Variants in RERE observed in about 807,000 individuals in gnomAD.
RERE encodes arginine-glutamic acid dipeptide repeats, also known as arginine-glutamic acid dipeptide repeats protein.
In RERE, 40 loss-of-function variants were observed where a neutral mutation model predicts 146.1. The ratio of observed to expected loss-of-function variants is 0.27; its 90% CI spans 0.21 to 0.36. The LOEUF is 0.36. RERE is among the 10% of genes least tolerant of loss of function. RERE has a pLI of 1.00. For missense variants in RERE, 1,933 were observed against 2,138.7 expected (o/e 0.90, Z 1.90); for synonymous variants, 1,003 against 866.0 (o/e 1.16, Z -2.78).
intron 8 of RERE, among the ~76,000 whole-genome samples, chr1:8,501,517 GC>G (rs1203661375): frequency 9.7e-6 from 1 of 103,240 alleles, no homozygotes; most frequent in Non-Finnish European, 1.9e-5. Context: ...GGGGGGATCA[GC>G]CCCCCGTCCG....
chr1:8,672,429 C>G (rs1371050981), intron 1 of RERE, among the ~76,000 whole-genome samples: 1 of 152,176 alleles, frequency 6.6e-6, no homozygotes. Context: ...CACACCATGG[C>G]CTCCCAAAAT....
intron 1 of RERE, among the ~76,000 whole-genome samples, chr1:8,813,707 T>C (rs1181840987): frequency 1.3e-5 from 2 of 151,262 alleles, no homozygotes; most frequent in Non-Finnish European, 2.9e-5. Flanking sequence ...CCTCTGCCTC[T>C]GAGTTCAAGC....
chr1:8,775,385 A>G (rs1641045918), intron 1 of RERE, among the ~76,000 whole-genome samples: 1 of 152,232 alleles, frequency 6.6e-6, no homozygotes, highest in African/African-American at 2.4e-5. Context: ...CAGCCTGGGC[A>G]AGAAAGTAAG....
intron 2 of RERE, among the ~76,000 whole-genome samples, chr1:8,632,125 T>C (rs1647042834): frequency 6.6e-6 from 1 of 152,198 alleles, no homozygotes. Context: ...AGAACTGATA[T>C]ATGGCTGAAA....
chr1:8,538,793 TCA>T (rs1645759999), intron 7 of RERE, among the ~76,000 whole-genome samples: 1 of 152,092 alleles, frequency 6.6e-6, no homozygotes, highest in Non-Finnish European at 1.5e-5. Flanking sequence ...ACTAGAAAGG[TCA>T]CTAAGGGAAG....
At position 8,545,982 on chromosome 1, in the gene RERE, C is replaced by CTTTTTTTTTTTTTTTTTTTTTTT. The variant is rs3050828; in HGVS notation, c.726-4687_726-4665dup. 1.6e-4 allele frequency among the ~76,000 whole-genome samples: 11 copies of CTTTTTTTTTTTTTTTTTTTTTTT among 69,478 alleles called. 1 individual carries two copies. The highest frequency in any genetic ancestry group is 6.6e-4 in the African/African-American group (11 of 16,698). 45.6% of individuals were successfully genotyped at this position (69,478 alleles called of 152,430 possible). A position where few individuals can be genotyped will look rare whatever the true frequency, so the allele number is the denominator to read the frequency against. On this transcript the variant is annotated intron_variant, in intron 6 of 22. Coordinates refer to ENST00000400908, the MANE Select transcript of RERE (RefSeq NM_001042681.2). ...ACAGGTGCAAGCTACCATACCCAGT[C>CTTTTTTTTTTTTTTTTTTTTTTT]TTTTTTTTTTTTTTTTTTTTTTTTT...
chr1:8,460,457 G>A (rs1644512042), intron 11 of RERE, among the ~76,000 whole-genome samples: 1 of 152,130 alleles, frequency 6.6e-6, no homozygotes, highest in Non-Finnish European at 1.5e-5. Flanking sequence ...ATTTATGATA[G>A]ACTGAGCTTT....
intron 2 of RERE, among the ~76,000 whole-genome samples, chr1:8,649,285 T>C (rs540211315): frequency 1.4e-3 from 79 of 57,670 alleles, no homozygotes; most frequent in Admixed American, 3.5e-3. Context: ...ACAAGGTTTT[T>C]GTTTTGGTTT....
At chr1:8,588,272 GA>G (rs1361163383) in intron 4 of RERE, among the ~76,000 whole-genome samples, 1 of 152,176 alleles carries the variant, frequency 6.6e-6, no homozygotes, top group Admixed American at 6.5e-5. Context: ...GTAAATCATT[GA>G]AAACTCTCAT....
intron 12 of RERE, among the ~76,000 whole-genome samples, chr1:8,417,726 C>G (rs1284049338): frequency 6.6e-6 from 1 of 152,152 alleles, no homozygotes; most frequent in Non-Finnish European, 1.5e-5. Context: ...CACACTCACC[C>G]ATACACATTC....
At chr1:8,537,984 A>C (rs1645749017) in intron 7 of RERE, among the ~76,000 whole-genome samples, 1 of 152,252 alleles carries the variant, frequency 6.6e-6, no homozygotes. Context: ...AATTACATAA[A>C]TCAACGTATA....
chr1:8,672,236 T>C (rs949505956), intron 1 of RERE, among the ~76,000 whole-genome samples: 2 of 152,240 alleles, frequency 1.3e-5, no homozygotes, highest in Admixed American at 6.5e-5. Context: ...TGCCAAGGCA[T>C]GATCATGGCT....
intron 8 of RERE, among the ~76,000 whole-genome samples, chr1:8,499,467 C>T (rs1645099691): frequency 6.6e-6 from 1 of 152,090 alleles, no homozygotes; most frequent in Non-Finnish European, 1.5e-5. Context: ...GATAGAACCG[C>T]CCCATCCAGG....
intron 11 of RERE, chr1:8,430,137 A>G (rs1384983968): frequency 1.3e-5 from 2 of 152,258 alleles, no homozygotes; most frequent in South Asian, 2.1e-4. Context: ...CCGTCACCCC[A>G]TATCTAAAAC....
intron 9 of RERE, 102 bp downstream of exon 9, chr1:8,497,303 C>A: frequency 7.7e-7 from 1 of 1,300,008 alleles, no homozygotes; most frequent in Non-Finnish European, 1.1e-6. Flanking sequence ...CAGAGAACGC[C>A]CAATATAGAA....
intron 12 of RERE, among the ~76,000 whole-genome samples, chr1:8,408,429 C>T (rs1378853563): frequency 6.6e-6 from 1 of 152,094 alleles, no homozygotes; most frequent in Non-Finnish European, 1.5e-5. Flanking sequence ...CCCAGGATGC[C>T]CTGCTGTACA....
At chr1:8,558,276 T>C (rs2124426809) in intron 4 of RERE, among the ~76,000 whole-genome samples, 1 of 152,342 alleles carries the variant, frequency 6.6e-6, no homozygotes, top group South Asian at 2.1e-4. Context: ...TTGTTCCCAG[T>C]TTGTTCAGAG....
chr1:8,500,578 C>T (rs1645119687), intron 8 of RERE, among the ~76,000 whole-genome samples: 1 of 152,222 alleles, frequency 6.6e-6, no homozygotes, highest in Non-Finnish European at 1.5e-5. Flanking sequence ...ACCTCCCAGC[C>T]GCCTGCCTTG....
intron 11 of RERE, among the ~76,000 whole-genome samples, chr1:8,439,353 A>G (rs1644215136): frequency 6.6e-6 from 1 of 152,242 alleles, no homozygotes; most frequent in South Asian, 2.1e-4. Context: ...CGATACTGTA[A>G]ATGAGATAAA....
Sources: gnomAD v4.1 joint callset for allele counts (sites outside exome capture counted in the v4.1 genomes callset) on GRCh38, gnomAD v4.1.1 for gene constraint, MANE v1.5 for transcripts, NCBI Gene and HGNC (gene_info 2026-07-23, HGNC 2026-07-21) for gene names.